Variants in ENOX1 observed in about 807,000 individuals in gnomAD.
The protein encoded by ENOX1 is ecto-NOX disulfide-thiol exchanger 1, also known as candidate growth-related and time keeping constitutive hydroquinone (NADH) oxidase.
A neutral mutation model predicts 82.5 loss-of-function variants in ENOX1; 42 were observed. The ratio of observed to expected loss-of-function variants is 0.51; its 90% CI spans 0.40 to 0.66. ENOX1 has a LOEUF of 0.66. ENOX1 is among the 30% of genes least tolerant of loss of function. ENOX1 has a pLI of 0.00. For missense variants in ENOX1, 608 were observed against 811.6 expected (o/e 0.75, Z 3.05); for synonymous variants, 271 against 282.2 (o/e 0.96, Z 0.40).
At chr13:43,436,841 T>C (rs953806449) in intron 3 of ENOX1, among the ~76,000 whole-genome samples, 9 of 151,778 alleles carry the variant, frequency 5.9e-5, no homozygotes, top group African/African-American at 1.9e-4. Flanking sequence ...TTTAGAAAAA[T>C]AAAATTTTGA....
At chr13:43,773,439 T>C (rs1951755753) in intron 1 of ENOX1, among the ~76,000 whole-genome samples, 1 of 152,136 alleles carries the variant, frequency 6.6e-6, no homozygotes, top group African/African-American at 2.4e-5. Flanking sequence ...CCCAGCATGG[T>C]TTACTAGGTC....
At chr13:43,517,379 C>A (rs2077594366) in intron 2 of ENOX1, among the ~76,000 whole-genome samples, 1 of 151,988 alleles carries the variant, frequency 6.6e-6, no homozygotes, top group African/African-American at 2.4e-5. Flanking sequence ...GTGCCTGTAA[C>A]CCCAGCTATT....
chr13:43,517,830 C>A (rs1268084909), intron 2 of ENOX1, among the ~76,000 whole-genome samples: 1 of 152,090 alleles, frequency 6.6e-6, no homozygotes, highest in African/African-American at 2.4e-5. Context: ...CAAAAGAGAA[C>A]CCTCATTCCT....
chr13:43,295,932 C>G (rs749799265), intron 12 of ENOX1, among the ~76,000 whole-genome samples: 3 of 152,110 alleles, frequency 2.0e-5, no homozygotes, highest in Non-Finnish European at 2.9e-5. Context: ...TAGCAGCCAC[C>G]GGGGACCCAG....
At chr13:43,324,285 C>T (rs1173687654) in intron 10 of ENOX1, among the ~76,000 whole-genome samples, 1 of 152,088 alleles carries the variant, frequency 6.6e-6, no homozygotes, top group African/African-American at 2.4e-5. Context: ...GTTGTTTAGT[C>T]CCTGCGATTA....
At chr13:43,436,405 A>T (rs2056031102) in intron 3 of ENOX1, among the ~76,000 whole-genome samples, 1 of 152,194 alleles carries the variant, frequency 6.6e-6, no homozygotes. Flanking sequence ...AATAAAGCAC[A>T]TTTTTTACAA....
chr13:43,740,726 T>A (rs1227587449), intron 1 of ENOX1, among the ~76,000 whole-genome samples: 1 of 152,202 alleles, frequency 6.6e-6, no homozygotes, highest in Non-Finnish European at 1.5e-5. Flanking sequence ...GCATTTCTTA[T>A]AAATGGAGTC....
intron 2 of ENOX1, among the ~76,000 whole-genome samples, chr13:43,605,731 A>C (rs970236858): frequency 6.6e-6 from 1 of 152,198 alleles, no homozygotes; most frequent in African/African-American, 2.4e-5. Flanking sequence ...GAAATTCTTC[A>C]GGACATTGGA....
chr13:43,303,922 C>A (rs2046723087), intron 11 of ENOX1, among the ~76,000 whole-genome samples: 1 of 152,240 alleles, frequency 6.6e-6, no homozygotes, highest in South Asian at 2.1e-4. Flanking sequence ...ACTGCTCAGA[C>A]CGCTGCTCAT....
chr13:43,609,073 A>G (rs971564424), intron 2 of ENOX1, among the ~76,000 whole-genome samples: 52 of 152,220 alleles, frequency 3.4e-4, no homozygotes, highest in African/African-American at 1.2e-3. Context: ...GCAGGCACTC[A>G]GTAAGTGCTA....
intron 12 of ENOX1, among the ~76,000 whole-genome samples, chr13:43,287,797 A>G (rs1271382474): frequency 6.6e-6 from 1 of 152,088 alleles, no homozygotes; most frequent in Non-Finnish European, 1.5e-5. Context: ...AAAGTCCCAA[A>G]CCTCTTACAG....
intron 8 of ENOX1, among the ~76,000 whole-genome samples, chr13:43,347,741 C>T (rs2049483299): frequency 6.6e-6 from 1 of 152,214 alleles, no homozygotes; most frequent in African/African-American, 2.4e-5. Flanking sequence ...ATTAACACTG[C>T]TTGTAAAAAT....
At chr13:43,500,576 G>T (rs2076945642) in intron 2 of ENOX1, among the ~76,000 whole-genome samples, 1 of 152,000 alleles carries the variant, frequency 6.6e-6, no homozygotes, top group African/African-American at 2.4e-5. Flanking sequence ...CTTATAAGAA[G>T]TGTGAAAGGG....
chr13:43,407,330 G>C (rs1302058471), intron 5 of ENOX1, among the ~76,000 whole-genome samples: 1 of 152,170 alleles, frequency 6.6e-6, no homozygotes, highest in Non-Finnish European at 1.5e-5. Flanking sequence ...ATCATGCAGA[G>C]GATATCATAT....
chr13:43,220,292 A>G (rs1459349515), intron 16 of ENOX1, among the ~76,000 whole-genome samples: 2 of 152,150 alleles, frequency 1.3e-5, no homozygotes, highest in East Asian at 1.9e-4. Context: ...AGGAGAAAGG[A>G]AAGAAATGTG....
chr13:43,674,681 T>C (rs781095522), intron 1 of ENOX1, among the ~76,000 whole-genome samples: 7 of 152,110 alleles, frequency 4.6e-5, no homozygotes, highest in Non-Finnish European at 1.0e-4. Context: ...TATACGTTTA[T>C]CCAAACCCAT....
chr13:43,396,434 C>T (rs2053155034), intron 5 of ENOX1, among the ~76,000 whole-genome samples: 1 of 152,224 alleles, frequency 6.6e-6, no homozygotes, highest in African/African-American at 2.4e-5. Context: ...GGCTGGAGGG[C>T]AGTGGCACCA....
At chr13:43,452,509 C>T (rs1432447640) in intron 3 of ENOX1, among the ~76,000 whole-genome samples, 3 of 152,056 alleles carry the variant, frequency 2.0e-5, no homozygotes, top group Non-Finnish European at 2.9e-5. Flanking sequence ...TTTTCTTTAT[C>T]CTGTCCATCA....
intron 3 of ENOX1, among the ~76,000 whole-genome samples, chr13:43,452,724 T>A (rs2057033278): frequency 6.6e-6 from 1 of 152,172 alleles, no homozygotes; most frequent in Non-Finnish European, 1.5e-5. Context: ...GGTTTCCCTA[T>A]GTTGACCAGG....
Sources: allele counts gnomAD v4.1 joint callset (sites outside exome capture counted in the v4.1 genomes callset), GRCh38; gene constraint gnomAD v4.1.1; transcripts MANE v1.5; gene names NCBI Gene and HGNC (gene_info 2026-07-23, HGNC 2026-07-21).